The following RBFOX1 variants were observed in gnomAD, a reference collection of about 807,000 sequenced individuals.
RBFOX1 encodes RNA binding protein fox-1 homolog 1.
A neutral mutation model predicts 57.7 loss-of-function variants in RBFOX1; 8 were observed. That is an observed-to-expected ratio of 0.14 (90% CI 0.08 to 0.25). The LOEUF is 0.25. Among genes scored for constraint, RBFOX1 ranks in the 10% least tolerant of loss-of-function variants. The pLI, the probability that RBFOX1 is intolerant of heterozygous loss-of-function variation, is 1.00. For missense variants in RBFOX1, 611 were observed against 548.5 expected (o/e 1.11, Z -1.14); for synonymous variants, 326 against 222.4 (o/e 1.47, Z -4.15).
chr16:6,868,609 T>C (rs1603634504), intron 3 of RBFOX1, among the ~76,000 whole-genome samples: 1 of 152,040 alleles, frequency 6.6e-6, no homozygotes, highest in South Asian at 2.1e-4. Context: ...GTAGCTGGGA[T>C]TATAGGCACA....
chr16:5,385,274 C>T (rs2066228140), intron 1 of RBFOX1, among the ~76,000 whole-genome samples: 1 of 152,230 alleles, frequency 6.6e-6, no homozygotes, highest in Non-Finnish European at 1.5e-5. Context: ...AAGCTACTCC[C>T]TTCTAGGCTG....
chr16:5,264,729 G>A (rs924457968), intron 1 of RBFOX1, among the ~76,000 whole-genome samples: 1 of 152,172 alleles, frequency 6.6e-6, no homozygotes, highest in African/African-American at 2.4e-5. Flanking sequence ...CAGAGGTGCA[G>A]TGTGAGACTT....
chr16:6,276,493 C>T (rs889564119), intron 1 of RBFOX1, among the ~76,000 whole-genome samples: 1 of 152,108 alleles, frequency 6.6e-6, no homozygotes, highest in African/African-American at 2.4e-5. Context: ...AGTGTGCCAC[C>T]ATGCCCAGCG....
intron 2 of RBFOX1, among the ~76,000 whole-genome samples, chr16:6,510,364 G>A (rs1014252409): frequency 6.6e-6 from 1 of 152,136 alleles, no homozygotes; most frequent in African/African-American, 2.4e-5. Flanking sequence ...TGATGCCACA[G>A]AAGCCAACTC....
chr16:5,371,750 G>T lies in RBFOX1; in HGVS notation c.220-95466G>T, dbSNP rs138673328. On this transcript the variant is annotated intron_variant, in intron 1 of 2. Coordinates refer to the RBFOX1 transcript ENST00000585867. ...GGTGAGGGTGACCGGCATTTCCGGA[G>T]ATGGTCCCTGGGCTGCACCTTGGCC... 2.8e-3 allele frequency among the ~76,000 whole-genome samples: 434 copies of T among 152,330 alleles called. 2 individuals carry two copies. Among genetic ancestry groups the T allele is most frequent in the African/African-American group, 0.01 (419 of 41,570 alleles).
At chr16:5,464,560 C>A (rs1185205711) in intron 1 of RBFOX1, among the ~76,000 whole-genome samples, 1 of 152,176 alleles carries the variant, frequency 6.6e-6, no homozygotes, top group African/African-American at 2.4e-5. Context: ...TCTCCTTCTC[C>A]TTCAGAGCTG....
At chr16:6,633,770 A>G (rs2098408971) in intron 2 of RBFOX1, among the ~76,000 whole-genome samples, 1 of 152,076 alleles carries the variant, frequency 6.6e-6, no homozygotes, top group South Asian at 2.1e-4. Context: ...AGGCTTTGGG[A>G]GGCTGAGGCA....
intron 4 of RBFOX1, among the ~76,000 whole-genome samples, chr16:5,901,894 A>T (rs1256942484): frequency 6.6e-6 from 1 of 152,118 alleles, no homozygotes; most frequent in Non-Finnish European, 1.5e-5. Flanking sequence ...AGCATTCTTG[A>T]TCTTCAGACT....
At chr16:5,786,466 G>C (rs1263593152) in intron 3 of RBFOX1, among the ~76,000 whole-genome samples, 1 of 152,160 alleles carries the variant, frequency 6.6e-6, no homozygotes, top group Non-Finnish European at 1.5e-5. Context: ...AGTGACAAGA[G>C]AGTGTAACGA....
intron 14 of RBFOX1, among the ~76,000 whole-genome samples, chr16:7,702,361 C>T (rs1208487181): frequency 6.6e-6 from 1 of 152,156 alleles, no homozygotes; most frequent in Non-Finnish European, 1.5e-5. Flanking sequence ...CACAGAATCC[C>T]CAAGAAGCTG....
chr16:7,048,037 C>G (rs1006299715), intron 3 of RBFOX1, among the ~76,000 whole-genome samples: 1 of 151,792 alleles, frequency 6.6e-6, no homozygotes, highest in African/African-American at 2.4e-5. Context: ...TGCCACAACG[C>G]CTGGCTAATT....
chr16:6,166,783 G>GT (rs1275153342), intron 1 of RBFOX1, among the ~76,000 whole-genome samples: 8 of 151,594 alleles, frequency 5.3e-5, no homozygotes, highest in East Asian at 3.9e-4. Flanking sequence ...GTTTTGTTTT[G>GT]TTTTTTTTGA....
chr16:6,963,645 T>A (rs1380782634), intron 3 of RBFOX1, among the ~76,000 whole-genome samples: 1 of 152,088 alleles, frequency 6.6e-6, no homozygotes, highest in Non-Finnish European at 1.5e-5. Context: ...TGCCAGAGAT[T>A]ATGTGGGAGG....
chr16:6,655,236 T>C (rs918643070), intron 3 of RBFOX1, among the ~76,000 whole-genome samples: 1 of 150,532 alleles, frequency 6.6e-6, no homozygotes, highest in Admixed American at 6.6e-5. Context: ...TAGCCGGGTG[T>C]GGTGGCACAT....
intron 4 of RBFOX1, among the ~76,000 whole-genome samples, chr16:7,303,137 A>C (rs2096073068): frequency 6.6e-6 from 1 of 152,180 alleles, no homozygotes; most frequent in African/African-American, 2.4e-5. Context: ...TTTCCACGCC[A>C]GCCTGGGCGG....
chr16:7,271,366 C>G (rs1384853382), intron 4 of RBFOX1, among the ~76,000 whole-genome samples: 1 of 151,848 alleles, frequency 6.6e-6, no homozygotes, highest in Non-Finnish European at 1.5e-5. Flanking sequence ...GAGCTCGTAT[C>G]AAACTCTCCC....
At chr16:6,654,008 G>A (rs545147022) in intron 2 of RBFOX1, among the ~76,000 whole-genome samples, 2 of 150,688 alleles carry the variant, frequency 1.3e-5, no homozygotes, top group Non-Finnish European at 3.0e-5. Context: ...TGGATGGATA[G>A]AGGAAGGGTG....
intron 3 of RBFOX1, among the ~76,000 whole-genome samples, chr16:6,836,801 C>G (rs554793013): frequency 6.6e-6 from 1 of 152,234 alleles, no homozygotes; most frequent in South Asian, 2.1e-4. Context: ...TTAGAAAGTA[C>G]AGATGTTTTT....
intron 3 of RBFOX1, among the ~76,000 whole-genome samples, chr16:5,856,634 C>A (rs978633356): frequency 7.9e-6 from 1 of 127,232 alleles, no homozygotes; most frequent in South Asian, 2.7e-4. Flanking sequence ...GGATAACTTG[C>A]TGGAGCTTTA....
Sources: gnomAD v4.1 joint callset for allele counts (sites outside exome capture counted in the v4.1 genomes callset) on GRCh38, gnomAD v4.1.1 for gene constraint, MANE v1.5 for transcripts, NCBI Gene and HGNC (gene_info 2026-07-23, HGNC 2026-07-21) for gene names.